The following NEK10 variants were observed in gnomAD, a reference collection of about 807,000 sequenced individuals.
The protein encoded by NEK10 is serine/threonine-protein kinase Nek10.
In NEK10, 122 loss-of-function variants were observed where a neutral mutation model predicts 159.8. The ratio of observed to expected loss-of-function variants is 0.76; its 90% CI spans 0.66 to 0.89. The LOEUF is 0.89. Ranked by LOEUF, NEK10 falls within the 40% of genes least tolerant of loss-of-function variation. NEK10 has a pLI of 0.00. For missense variants in NEK10, 1,342 were observed against 1,323.1 expected (o/e 1.01, Z -0.22); for synonymous variants, 466 against 457.1 (o/e 1.02, Z -0.25).
At chr3:27,222,424 G>T (rs188741747) in intron 23 of NEK10, among the ~76,000 whole-genome samples, 3 of 152,130 alleles carry the variant, frequency 2.0e-5, no homozygotes, top group Admixed American at 2.0e-4. Flanking sequence ...ATATAATAAA[G>T]CCATAATGTA....
Position 27,297,240 on chromosome 3 carries a change from G to C in NEK10, c.1169C>G (p.Ala390Gly). Reference sequence around the variant, plus strand: ...CAGCTCAGTGAGGGCAGCACAGCAGGCTGGAATGACAACAATCAAATGCAT... The same window carrying C: ...CAGCTCAGTGAGGGCAGCACAGCAGCCTGGAATGACAACAATCAAATGCAT... ...IQENTFSLQA[A>G]CCAALTELVL... Residue 390 changes from alanine to glycine, a missense_variant and splice_region_variant, in exon 14 of 36, where the codon GCC becomes GGC. By Grantham distance (60) the Ala-to-Gly change is moderately conservative. Coordinates refer to ENST00000691995, the MANE Select transcript of NEK10 (RefSeq NM_001394966.1). The C allele has an allele frequency of 6.2e-7, 1 of 1,609,762 alleles. No homozygotes were observed. The highest frequency in any genetic ancestry group is 8.5e-7 in the Non-Finnish European group (1 of 1,176,140).
At chr3:27,136,528 G>A (rs1012547897) in intron 31 of NEK10, among the ~76,000 whole-genome samples, 1 of 152,160 alleles carries the variant, frequency 6.6e-6, no homozygotes, top group African/African-American at 2.4e-5. Flanking sequence ...CTGTGCAGGT[G>A]TGACCTAAGC....
rs140784553 is a variant in NEK10, at chr3:27,144,390, G to A, written c.2870-2808C>T. ...AGTGATGCTGCAGTGAATATACACCGGCATGCCTCATTGTGCGTAAGTACA... is the reference window on the plus strand; with the variant it reads ...AGTGATGCTGCAGTGAATATACACCAGCATGCCTCATTGTGCGTAAGTACA... On this transcript the variant is annotated intron_variant, in intron 30 of 35. Coordinates refer to ENST00000691995, the MANE Select transcript of NEK10 (RefSeq NM_001394966.1). 1.0e-3 allele frequency among the ~76,000 whole-genome samples: 155 copies of A among 152,246 alleles called. 1 individual carries two copies. The highest frequency in any genetic ancestry group is 3.4e-3 in the African/African-American group (143 of 41,558).
intron 5 of NEK10, among the ~76,000 whole-genome samples, chr3:27,337,269 A>G (rs748019157): frequency 6.6e-6 from 1 of 152,160 alleles, no homozygotes; most frequent in Non-Finnish European, 1.5e-5. Context: ...GTGACCAACG[A>G]GGTAAAAGAC....
At chr3:27,274,669 A>C (rs1476747747) in intron 22 of NEK10, among the ~76,000 whole-genome samples, 3 of 151,996 alleles carry the variant, frequency 2.0e-5, no homozygotes, top group Admixed American at 2.0e-4. Flanking sequence ...ACACATGCAC[A>C]CACACACATA....
At chr3:27,315,530 G>A (rs772986320) in intron 6 of NEK10, among the ~76,000 whole-genome samples, 5 of 152,116 alleles carry the variant, frequency 3.3e-5, no homozygotes, top group Non-Finnish European at 7.3e-5. Flanking sequence ...TAAAGAGCAC[G>A]AGAATATTGT....
At chr3:27,310,629 T>C (rs1411006442) in intron 9 of NEK10, 3 of 228,596 alleles carry the variant, frequency 1.3e-5, no homozygotes, top group Non-Finnish European at 2.5e-5. Flanking sequence ...TGTTGACTTA[T>C]TTATAAATGC....
At chr3:27,262,272 C>G (rs531924946) in intron 22 of NEK10, among the ~76,000 whole-genome samples, 2 of 152,116 alleles carry the variant, frequency 1.3e-5, no homozygotes, top group Non-Finnish European at 2.9e-5. Flanking sequence ...ACATTTTTTC[C>G]TTCATTTCAA....
At chr3:27,155,054 G>C (rs1441013957) in intron 30 of NEK10, among the ~76,000 whole-genome samples, 2 of 152,086 alleles carry the variant, frequency 1.3e-5, no homozygotes, top group Admixed American at 1.3e-4. Context: ...AAACCCTAAA[G>C]ACTCCTCCAG....
Position 27,192,086 on chromosome 3 carries a change from A to G in NEK10, c.2448T>C (p.Phe816=), listed in dbSNP as rs780649813. 3 of 1,614,204 alleles carry G rather than the reference A, an allele frequency of 1.9e-6. No homozygotes were observed. Among genetic ancestry groups the G allele is most frequent in the South Asian group, 2.2e-5 (2 of 91,084 alleles). Residue 816 remains phenylalanine, a synonymous_variant, in exon 26 of 36, where the codon TTT becomes TTC. Coordinates refer to ENST00000691995, the MANE Select transcript of NEK10 (RefSeq NM_001394966.1). ...TGACGGTGTTCCGGTTGGCTTCCATAAAATACCTTTGTGTGCGTCTTCGTT... is the reference window on the plus strand; with the variant it reads ...TGACGGTGTTCCGGTTGGCTTCCATGAAATACCTTTGTGTGCGTCTTCGTT... ...ERERRRTQRY[F]MEANRNTVTC...
At chr3:27,313,331 G>C (rs2044864494) in intron 7 of NEK10, among the ~76,000 whole-genome samples, 1 of 151,980 alleles carries the variant, frequency 6.6e-6, no homozygotes. Flanking sequence ...GCAAGCCTCT[G>C]AGTTGCTCAG....
chr3:27,258,801 T>C (rs2040125193), intron 22 of NEK10, among the ~76,000 whole-genome samples: 1 of 152,180 alleles, frequency 6.6e-6, no homozygotes, highest in Non-Finnish European at 1.5e-5. Flanking sequence ...CACACTGACT[T>C]CCACAATGGT....
At chr3:27,217,877 A>G (rs531114217) in intron 23 of NEK10, among the ~76,000 whole-genome samples, 1 of 152,266 alleles carries the variant, frequency 6.6e-6, no homozygotes, top group African/African-American at 2.4e-5. Context: ...CCCTATACAA[A>G]CTTTTTTCCC....
intron 7 of NEK10, 80 bp from the exon 8 acceptor site, chr3:27,312,257 TTAAAA>T (rs2044757065): frequency 1.4e-6 from 1 of 725,754 alleles, no homozygotes; most frequent in Non-Finnish European, 2.2e-6. Flanking sequence ...GCTGCAGTTC[TTAAAA>T]TAAACTGTAG....
intron 23 of NEK10, among the ~76,000 whole-genome samples, chr3:27,220,861 AT>A (rs2149151435): frequency 6.6e-6 from 1 of 152,298 alleles, no homozygotes; most frequent in South Asian, 2.1e-4. Flanking sequence ...CCCTTGAGAA[AT>A]AAACCTTATA....
chr3:27,261,068 T>G (rs2040369079), intron 22 of NEK10, among the ~76,000 whole-genome samples: 1 of 152,164 alleles, frequency 6.6e-6, no homozygotes, highest in South Asian at 2.1e-4. Flanking sequence ...GGTGGTGATA[T>G]CCCCTTTATC....
chr3:27,166,511 T>C (rs906630344), intron 29 of NEK10, among the ~76,000 whole-genome samples: 3 of 151,988 alleles, frequency 2.0e-5, no homozygotes, highest in Non-Finnish European at 4.4e-5. Context: ...ATACAGATTA[T>C]GAAAAAGATG....
chr3:27,116,284 A>AAT (rs1378331982), intron 33 of NEK10, among the ~76,000 whole-genome samples, 157 bp from the exon 34 acceptor site: 1 of 152,182 alleles, frequency 6.6e-6, no homozygotes, highest in Non-Finnish European at 1.5e-5. Flanking sequence ...CTTGGCTTTG[A>AAT]ATATTCAAGT....
chr3:27,121,945 C>T (rs1212460501), intron 32 of NEK10, among the ~76,000 whole-genome samples: 1 of 152,016 alleles, frequency 6.6e-6, no homozygotes, highest in African/African-American at 2.4e-5. Context: ...TGAATTTATA[C>T]CTTAAAATAT....
Sources: allele counts gnomAD v4.1 joint callset (sites outside exome capture counted in the v4.1 genomes callset), GRCh38; gene constraint gnomAD v4.1.1; transcripts MANE v1.5; gene names NCBI Gene and HGNC (gene_info 2026-07-23, HGNC 2026-07-21).